Variants in USP42 observed in about 807,000 individuals in gnomAD.
USP42 encodes the protein ubiquitin specific peptidase 42.
In USP42, 23 loss-of-function variants were observed where a neutral mutation model predicts 113.0. The observed-to-expected ratio is 0.20, with a 90% CI of 0.15 to 0.29. The LOEUF (loss-of-function observed/expected upper bound fraction) is 0.29. USP42 is among the 10% of genes least tolerant of loss of function. The pLI is 1.00. For synonymous variants in USP42, 933 were observed against 699.0 expected, an observed-to-expected ratio of 1.33 and a Z score of -5.28; for missense variants, 2,174 against 1,779.8, an observed-to-expected ratio of 1.22 and a Z score of -3.99.
intron 3 of USP42, among the ~76,000 whole-genome samples, chr7:6,134,302 TTCTGGG>T: frequency 6.6e-6 from 1 of 152,308 alleles, no homozygotes; most frequent in South Asian, 2.1e-4. Context: ...TCTGTGTTAT[TTCTGGG>T]TCTTTTTCTG....
rs1215111365 is a variant in USP42 at position 6,111,428 on chromosome 7, C to CT, written c.241+55dup. 13 of 1,583,952 alleles carry CT rather than the reference C, an allele frequency of 8.2e-6. No homozygotes were observed. The Admixed American group carries it at 2.3e-4, about 28-fold the overall frequency. ...GCCAGAAACTCCTGTGTAAATGCTG[C>CT]TGGGGCTTGGTGGTTTCAGAGAGGG... On this transcript the variant is annotated intron_variant, in intron 2 of 17. Transcript: ENST00000306177.
the USP42 span, among the ~76,000 whole-genome samples, chr7:6,085,866 G>A: frequency 1.5e-3 from 229 of 150,562 alleles, 2 homozygotes; most frequent in Middle Eastern, 7.0e-3. Flanking sequence ...GCCCGCCTTG[G>A]CCTCCCAAGG....
intron 15 of USP42, among the ~76,000 whole-genome samples, chr7:6,156,272 T>C (rs1306581753): frequency 6.6e-5 from 10 of 152,200 alleles, no homozygotes; most frequent in Non-Finnish European, 5.9e-5. Flanking sequence ...GGAGGCTTAG[T>C]ATTTCCTTTC....
intron 2 of USP42, chr7:6,112,011 C>T (rs1213965357): frequency 6.6e-6 from 1 of 152,210 alleles, no homozygotes; most frequent in East Asian, 1.9e-4. Flanking sequence ...ATTCTAGTTT[C>T]CTAAGTAGAT....
upstream of USP42, among the ~76,000 whole-genome samples, chr7:6,104,590 C>T (rs1240201012): frequency 6.6e-6 from 1 of 152,318 alleles, no homozygotes; most frequent in Non-Finnish European, 1.5e-5. Context: ...AGGCGAAAGC[C>T]CAAAGTCCTA....
At chr7:6,102,944 GGCTGACTC>G (rs1790172383), upstream of USP42, among the ~76,000 whole-genome samples, 1 of 151,036 alleles carries the variant, frequency 6.6e-6, no homozygotes, top group Admixed American at 6.6e-5. Flanking sequence ...AGCGAAGAAA[GGCTGACTC>G]AGGGAGGGTC....
intron 12 of USP42, 129 bp from the exon 13 acceptor site, chr7:6,149,452 CAG>C (rs1009234277): frequency 9.0e-7 from 1 of 1,116,878 alleles, no homozygotes; most frequent in East Asian, 2.6e-5. Context: ...AGAACATTTC[CAG>C]GTGTATGAAA....
At chr7:6,096,685 A>G in the USP42 span, among the ~76,000 whole-genome samples, 3 of 151,282 alleles carry the variant, frequency 2.0e-5, no homozygotes, top group Non-Finnish European at 2.9e-5. Context: ...GATTAATCCC[A>G]AGTTCCTATA....
At chr7:6,156,016 C>T (rs1782428852) in intron 15 of USP42, among the ~76,000 whole-genome samples, 1 of 152,206 alleles carries the variant, frequency 6.6e-6, no homozygotes, top group Admixed American at 6.5e-5. Flanking sequence ...ACTGGGATCA[C>T]AGGCATGAGC....
the USP42 span, among the ~76,000 whole-genome samples, chr7:6,091,979 TTCTTCTTC>T: frequency 4.6e-5 from 1 of 21,686 alleles, no homozygotes; most frequent in Admixed American, 5.4e-4. Context: ...GACGTATTTT[TTCTTCTTC>T]TTCTTCTTCT....
At chr7:6,089,891 G>A in the USP42 span, among the ~76,000 whole-genome samples, 1 of 151,032 alleles carries the variant, frequency 6.6e-6, no homozygotes, top group African/African-American at 2.5e-5. Flanking sequence ...GCTTGCTGTG[G>A]CTGGGCGCAG....
At chr7:6,115,183 C>A (rs1182729908) in intron 2 of USP42, 140 bp from the exon 3 acceptor site, 1 of 761,430 alleles carries the variant, frequency 1.3e-6, no homozygotes, top group African/African-American at 1.8e-5. Context: ...TTTAAAATGT[C>A]CCTCTTCCCC....
chr7:6,133,108 A>C (rs1244399103), intron 3 of USP42, among the ~76,000 whole-genome samples: 1 of 152,138 alleles, frequency 6.6e-6, no homozygotes, highest in East Asian at 1.9e-4. Context: ...TATTTCTGTC[A>C]AATTTGGACA....
Position 6,154,674 on chromosome 7 carries a change from C to T in USP42, c.3120C>T (p.Gly1040=), listed in dbSNP as rs771271310. Reference sequence around the variant, plus strand: ...GGGTCAGACACCACTACACCGAGGGCGAGCGTGGCTGGGGCCGGGAGAAGT... The same window carrying T: ...GGGTCAGACACCACTACACCGAGGGTGAGCGTGGCTGGGGCCGGGAGAAGT... ...LDWVRHHYTE[G]ERGWGREKFY... Residue 1040 remains glycine (G), a synonymous_variant, in exon 15 of 18, where the codon GGC becomes GGT. Transcript: ENST00000306177. The T allele has an allele frequency of 4.5e-5, 72 of 1,605,468 alleles. 1 individual carries two copies. Among genetic ancestry groups the T allele is most frequent in the Non-Finnish European group, 5.9e-5 (69 of 1,176,876 alleles).
intron 7 of USP42, among the ~76,000 whole-genome samples, chr7:6,142,214 CTT>C (rs1393257495): frequency 1.4e-5 from 2 of 140,342 alleles, no homozygotes; most frequent in Non-Finnish European, 3.0e-5. Context: ...AATTTTGTTT[CTT>C]TTTTCTTTTT....
intron 1 of USP42, among the ~76,000 whole-genome samples, chr7:6,107,849 C>T (rs1779377662): frequency 6.6e-6 from 1 of 152,104 alleles, no homozygotes; most frequent in African/African-American, 2.4e-5. Context: ...GGTCAGCTAC[C>T]TTTGATTGAT....
At chr7:6,116,642 C>A in intron 3 of USP42, 2 of 388,452 alleles carry the variant, frequency 5.1e-6, no homozygotes, top group South Asian at 2.0e-5. Flanking sequence ...TTTTTCCCTC[C>A]AAAGAGCCAA....
chr7:6,142,297 A>G (rs183722328), intron 7 of USP42, among the ~76,000 whole-genome samples: 2 of 150,990 alleles, frequency 1.3e-5, no homozygotes, highest in East Asian at 3.9e-4. Context: ...GCTCACTGCA[A>G]CCTCCACCTC....
Position 6,159,588 on chromosome 7 carries a change from T to C in USP42, c.*36+95T>C. The C allele has an allele frequency of 1.5e-6, 2 of 1,325,340 alleles. No homozygotes were observed. The highest frequency in any genetic ancestry group is 1.3e-5 in the South Asian group (1 of 77,332). 82.1% of individuals were successfully genotyped at this position (1,325,340 alleles called of 1,614,324 possible). A position where few individuals can be genotyped will look rare whatever the true frequency, so the allele number is the denominator to read the frequency against. ...TAATTCTGCGGCTCTGCCTGGGGGC[T>C]GGGCTCATAGGAGTTGGCAGAGCCA... On this transcript the variant is annotated intron_variant, in intron 17 of 17. Coordinates refer to ENST00000306177, the MANE Select transcript of USP42 (RefSeq NM_032172.3). This position sits in a 1 kb window ranked among gnomAD's most constrained non-coding sequence, Gnocchi z 4.1.
Sources: allele counts gnomAD v4.1 joint callset (sites outside exome capture counted in the v4.1 genomes callset), GRCh38; gene constraint gnomAD v4.1.1; non-coding constraint Gnocchi (gnomAD v3.1); transcripts MANE v1.5; gene names NCBI Gene and HGNC (gene_info 2026-07-23, HGNC 2026-07-21).